Variants in INSR observed in about 807,000 individuals in gnomAD.
INSR encodes insulin receptor, also known as IR.
INSR carries 67 observed loss-of-function variants against 142.6 expected under a neutral mutation model. The observed-to-expected ratio is 0.47, with a 90% confidence interval of 0.39 to 0.58. The LOEUF (loss-of-function observed/expected upper bound fraction) is 0.58, where lower values mean the gene tolerates loss of function less well. Among genes scored for constraint, INSR ranks in the 20% least tolerant of loss-of-function variants. INSR has a pLI of 0.00. For synonymous variants in INSR, 756 were observed against 743.1 expected, an observed-to-expected ratio of 1.02 and a Z score of -0.28; for missense variants, 1,248 against 1,833.2, an observed-to-expected ratio of 0.68 and a Z score of 5.83.
chr19:7,237,363 A>G (rs1009907484), intron 2 of INSR, among the ~76,000 whole-genome samples: 1 of 150,632 alleles, frequency 6.6e-6, no homozygotes, highest in African/African-American at 2.4e-5. Flanking sequence ...CTAAAACTAT[A>G]AAAATTAGCC....
At chr19:7,155,446 G>C (rs1478627332) in intron 9 of INSR, among the ~76,000 whole-genome samples, 2 of 151,166 alleles carry the variant, frequency 1.3e-5, no homozygotes, top group Non-Finnish European at 2.9e-5. Flanking sequence ...GCTGAGGCAG[G>C]AGAATCACTT....
chr19:7,290,765 CAAA>C (rs747690908), intron 1 of INSR, among the ~76,000 whole-genome samples: 1 of 106,204 alleles, frequency 9.4e-6, no homozygotes, highest in Non-Finnish European at 1.9e-5. Flanking sequence ...CACCCTGTCT[CAAA>C]AAAAAAAAAG....
chr19:7,255,799 C>T (rs537511122), intron 2 of INSR, among the ~76,000 whole-genome samples: 12 of 151,872 alleles, frequency 7.9e-5, no homozygotes, highest in African/African-American at 1.2e-4. Context: ...AGGCTGAGCT[C>T]GAATTCTAGG....
chr19:7,143,363 C>T (rs1463819793), intron 11 of INSR, among the ~76,000 whole-genome samples: 2 of 152,128 alleles, frequency 1.3e-5, no homozygotes, highest in African/African-American at 4.8e-5. Context: ...CACCGATATT[C>T]CCCTCGACAT....
intron 2 of INSR, among the ~76,000 whole-genome samples, chr19:7,264,112 T>C (rs12986363): frequency 6.7e-6 from 1 of 148,902 alleles, no homozygotes; most frequent in Non-Finnish European, 1.5e-5. Flanking sequence ...GAAATTGCGG[T>C]GAGCCAAGAT....
At chr19:7,132,383 C>CG in intron 13 of INSR, 66 bp from the exon 14 acceptor site, 1 of 1,557,172 alleles carries the variant, frequency 6.4e-7, no homozygotes, top group Non-Finnish European at 8.8e-7. Context: ...GTCCACCCCT[C>CG]GCAGGGAGCT....
intron 2 of INSR, among the ~76,000 whole-genome samples, chr19:7,195,545 G>A (rs949176860): frequency 1.3e-5 from 2 of 152,076 alleles, no homozygotes; most frequent in African/African-American, 4.8e-5. Context: ...TGGGGGCTGA[G>A]GCAGGAGAAT....
rs1361642284 is a variant in INSR at position 7,148,564 on chromosome 19, G to A, written c.2267+1933C>T. Among the ~76,000 whole-genome samples the A allele has an allele frequency of 4.8e-5, 6 of 123,782 alleles. No homozygotes were observed. In the East Asian group the frequency reaches 7.9e-4, roughly 16 times the overall value. The allele number at this position is 123,782 out of a possible 152,430, so 81.2% of individuals were successfully genotyped here. ...GAGATCTCGGCTCACCGCAACCTCC[G>A]CCTCCAGAAATCAAGTGATTCTCCT... On this transcript the variant is annotated intron_variant, in intron 11 of 21. Coordinates refer to ENST00000302850, the MANE Select transcript of INSR (RefSeq NM_000208.4).
chr19:7,191,371 G>A (rs570057879), intron 2 of INSR, among the ~76,000 whole-genome samples: 13 of 149,594 alleles, frequency 8.7e-5, no homozygotes, highest in Non-Finnish European at 1.9e-4. Flanking sequence ...AGGGAAGGAG[G>A]GAAAGAAAAG....
At chr19:7,158,060 TTATTA>T (rs1229661157) in intron 9 of INSR, among the ~76,000 whole-genome samples, 3,374 of 142,258 alleles carry the variant, frequency 0.024, 50 homozygotes, top group Middle Eastern at 0.046. Context: ...ATTATTATTA[TTATTA>T]TTATTATTAT....
At chr19:7,129,042 T>C (rs1476683842) in intron 14 of INSR, 88 bp from the exon 15 acceptor site, 2 of 1,001,802 alleles carry the variant, frequency 2.0e-6, no homozygotes, top group East Asian at 4.9e-5. Flanking sequence ...CTGGAATGGG[T>C]GGGCCACCCT....
intron 1 of INSR, among the ~76,000 whole-genome samples, chr19:7,291,665 C>G (rs567277721): frequency 6.6e-6 from 1 of 152,240 alleles, no homozygotes; most frequent in Non-Finnish European, 1.5e-5. Flanking sequence ...AATGGTAAAT[C>G]CATTTACTGA....
intron 13 of INSR, 140 bp from the exon 14 acceptor site, chr19:7,132,457 C>A (rs540045771): frequency 2.2e-6 from 2 of 890,670 alleles, no homozygotes; most frequent in African/African-American, 3.3e-5. Flanking sequence ...GACACATAAG[C>A]GACTTTGAGA....
intron 2 of INSR, among the ~76,000 whole-genome samples, chr19:7,199,705 C>T (rs35776370): frequency 0.014 from 2,189 of 151,690 alleles, 22 homozygotes; most frequent in South Asian, 0.031. Context: ...GGCTGTAACA[C>T]GGCATCACAC....
Position 7,216,859 on chromosome 19 carries a change from T to C in INSR, c.653-32222A>G, listed in dbSNP as rs1011546992. On this transcript the variant is annotated intron_variant, in intron 2 of 21. Transcript: ENST00000302850. The surrounding 1 kb of genome is among the most constrained non-coding windows in gnomAD (Gnocchi z 4.2). Reference sequence around the variant, plus strand: ...CGGGATCTTACTCTGTTGCCTAGGCTGGAGTGCAATGGTGCAATCATGGCT... The same window carrying C: ...CGGGATCTTACTCTGTTGCCTAGGCCGGAGTGCAATGGTGCAATCATGGCT... 3.3e-5 allele frequency among the ~76,000 whole-genome samples: 5 copies of C among 152,296 alleles called. No individual in the cohort carries two copies. The highest frequency in any genetic ancestry group is 1.2e-4 in the African/African-American group (5 of 41,568).
chr19:7,204,306 C>T (rs1239002904), intron 2 of INSR, among the ~76,000 whole-genome samples: 3 of 152,006 alleles, frequency 2.0e-5, no homozygotes, highest in East Asian at 1.9e-4. Flanking sequence ...CCACCTGCCT[C>T]GGCCTCCCAA....
intron 2 of INSR, among the ~76,000 whole-genome samples, chr19:7,263,649 GAAC>G (rs1196877806): frequency 6.6e-6 from 1 of 152,140 alleles, no homozygotes; most frequent in East Asian, 1.9e-4. Context: ...TCAGTGGCAT[GAAC>G]AGGGCTCAGT....
At chr19:7,248,478 C>T (rs1246314275) in intron 2 of INSR, among the ~76,000 whole-genome samples, 1 of 111,922 alleles carries the variant, frequency 8.9e-6, no homozygotes, top group Admixed American at 9.1e-5. Context: ...AGAGGGAGAC[C>T]CCATCTCAAA....
In INSR at chr19:7,125,707, G is replaced by A. The variant is rs192973006; in HGVS notation, c.3014-180C>T. 2.2e-3 allele frequency among the ~76,000 whole-genome samples: 329 copies of A among 152,264 alleles called. 1 individual carries two copies. Among genetic ancestry groups the A allele is most frequent in the Non-Finnish European group, 4.2e-3 (288 of 68,012 alleles). On this transcript the variant is annotated intron_variant, in intron 16 of 21. Coordinates refer to ENST00000302850, the MANE Select transcript of INSR (RefSeq NM_000208.4). This position sits in a 1 kb window ranked among gnomAD's most constrained non-coding sequence, Gnocchi z 4.9. Reference sequence around the variant, plus strand: ...AACAGGACAGGCATCTGCACCCATGGAGAGGGCATGGCAGAGACTCAAGGA... The same window carrying A: ...AACAGGACAGGCATCTGCACCCATGAAGAGGGCATGGCAGAGACTCAAGGA...
Sources: gnomAD v4.1 joint callset for allele counts (sites outside exome capture counted in the v4.1 genomes callset) on GRCh38, gnomAD v4.1.1 for gene constraint, Gnocchi (gnomAD v3.1) non-coding constraint, MANE v1.5 for transcripts, NCBI Gene and HGNC (gene_info 2026-07-23, HGNC 2026-07-21) for gene names.